Variants in RUFY2 observed in about 807,000 individuals in gnomAD.
RUFY2 encodes RUN and FYVE domain-containing protein 2.
Under a neutral mutation model 94.4 loss-of-function variants are expected in RUFY2, and 49 were observed. The ratio of observed to expected loss-of-function variants is 0.52; its 90% CI spans 0.41 to 0.66. RUFY2 has a LOEUF of 0.66. Ranked by LOEUF, RUFY2 falls within the 30% of genes least tolerant of loss-of-function variation. RUFY2 has a pLI of 0.00. For missense variants in RUFY2, 541 were observed against 692.8 expected (o/e 0.78, Z 2.46); for synonymous variants, 255 against 235.7 (o/e 1.08, Z -0.75).
intron 15 of RUFY2, among the ~76,000 whole-genome samples, chr10:68,358,905 G>A (rs565244835): frequency 3.3e-5 from 5 of 151,938 alleles, no homozygotes; most frequent in African/African-American, 4.8e-5. Flanking sequence ...AGCAACACTC[G>A]GTCTTATGCC....
rs536227746 is a variant in RUFY2 at position 68,359,516 on chromosome 10, ATAG to A, written c.1550+4071_1550+4073del. The stretch of plus-strand genomic sequence containing the variant: ...AGTACTACTATATATATAAATATAC[ATAG>A]TAGTATATTTATATATATAATGCTA... On this transcript the variant is annotated intron_variant, in intron 15 of 17. Coordinates refer to ENST00000602465, the MANE Select transcript of RUFY2 (RefSeq NM_001330103.2). Among the ~76,000 whole-genome samples the A allele has an allele frequency of 4.0e-3, 583 of 146,234 alleles. 2 individuals carry two copies. Among genetic ancestry groups the A allele is most frequent in the African/African-American group, 0.014 (551 of 39,874 alleles).
intron 7 of RUFY2, among the ~76,000 whole-genome samples, chr10:68,390,241 AAAGC>A (rs2049874467): frequency 6.6e-6 from 1 of 152,204 alleles, no homozygotes; most frequent in South Asian, 2.1e-4. Flanking sequence ...CTTTAGAGGA[AAAGC>A]AAGAGTCACA....
intron 15 of RUFY2, among the ~76,000 whole-genome samples, chr10:68,360,972 A>G (rs1475705579): frequency 6.6e-6 from 1 of 151,884 alleles, no homozygotes; most frequent in African/African-American, 2.4e-5. Flanking sequence ...TAATTCAACT[A>G]TAAAGTCTCT....
intron 8 of RUFY2, among the ~76,000 whole-genome samples, chr10:68,385,124 C>G (rs528463942): frequency 6.7e-6 from 1 of 150,342 alleles, no homozygotes; most frequent in African/African-American, 2.4e-5. Context: ...ATTAGCCGGG[C>G]GTGGTGGTGC....
At chr10:68,345,960 G>C in intron 17 of RUFY2, 47 bp downstream of exon 17, 10 of 1,611,772 alleles carry the variant, frequency 6.2e-6, no homozygotes, top group African/African-American at 1.3e-5. Context: ...AATAAAATTA[G>C]CATTTTTGCA....
chr10:68,364,724 CT>C (rs57815435), intron 13 of RUFY2, among the ~76,000 whole-genome samples: 5,974 of 146,454 alleles, frequency 0.041, 372 homozygotes, highest in African/African-American at 0.14. Context: ...CATTGTTCTT[CT>C]TTTTTTTTTT....
intron 2 of RUFY2, among the ~76,000 whole-genome samples, chr10:68,402,927 C>T (rs532620085): frequency 5.6e-5 from 8 of 143,682 alleles, no homozygotes; most frequent in African/African-American, 2.0e-4. Context: ...CTCACTGCAC[C>T]CTCTGCCTCC....
intron 13 of RUFY2, among the ~76,000 whole-genome samples, chr10:68,365,042 TATA>T (rs1038768577): frequency 2.2e-4 from 34 of 152,196 alleles, no homozygotes; most frequent in African/African-American, 7.7e-4. Flanking sequence ...ATTGCAACAT[TATA>T]ATGTTGAGTA....
chr10:68,378,281 A>T, intron 12 of RUFY2: 2 of 1,118,860 alleles, frequency 1.8e-6, no homozygotes, highest in South Asian at 8.8e-5. Context: ...TTTCATCAAA[A>T]AGTAGCTAAA....
chr10:68,351,174 C>T (rs1332165631), intron 16 of RUFY2, among the ~76,000 whole-genome samples: 1 of 125,516 alleles, frequency 8.0e-6, no homozygotes, highest in African/African-American at 3.0e-5. Context: ...CCCTGTTGCC[C>T]AGACTGGAGT....
intron 13 of RUFY2, among the ~76,000 whole-genome samples, chr10:68,367,425 T>C (rs2047924747): frequency 6.7e-6 from 1 of 150,158 alleles, no homozygotes; most frequent in African/African-American, 2.5e-5. Flanking sequence ...AGAGGAATTA[T>C]TTTTTTTCTG....
rs1459229679 is a variant in RUFY2, at chr10:68,346,102, TTAA to T, written c.1600-21_1600-19del. The stretch of plus-strand genomic sequence containing the variant: ...ACCAGTCCCTAGTAGGAAGAAAATA[TTAA>T]TGCTCAAATTGGTAACACTAAAAAT... On this transcript the variant is annotated intron_variant, in intron 16 of 17. Coordinates refer to ENST00000602465, the MANE Select transcript of RUFY2 (RefSeq NM_001330103.2). 1.3e-6 allele frequency: 2 copies of T among 1,584,540 alleles called. No homozygotes were observed.
intron 12 of RUFY2, chr10:68,379,098 G>A: frequency 3.6e-6 from 1 of 280,216 alleles, no homozygotes. Context: ...ATCAATCAGG[G>A]ATAATCTCAC....
chr10:68,348,375 AGCATGGTG>A (rs926918610), intron 16 of RUFY2, among the ~76,000 whole-genome samples: 2 of 151,808 alleles, frequency 1.3e-5, no homozygotes, highest in African/African-American at 4.8e-5. Flanking sequence ...AAATTAGCCA[AGCATGGTG>A]GCATGCACCT....
At chr10:68,341,263 A>C, downstream of RUFY2, 1 of 1,606,878 alleles carries the variant, frequency 6.2e-7, no homozygotes, top group East Asian at 2.2e-5. Context: ...AGTTTGTGAC[A>C]CATGAAGATG....
At position 68,376,945 on chromosome 10, in the gene RUFY2, C is replaced by G. The variant is rs750737769; in HGVS notation, c.1233G>C (p.Met411Ile). 6.2e-7 allele frequency: 1 copy of G among 1,613,618 alleles called. No homozygotes were observed. Among genetic ancestry groups the G allele is most frequent in the Admixed American group, 1.7e-5 (1 of 59,950 alleles). ...ATTTCTCATCCTCATCTTCAGCTTC[C>G]ATTTGCGCCTTCTCTGCTTGCTGCA... ...QRLQQAEKAQ[M>I]EAEDEDEKYL... Residue 411 changes from methionine (M) to isoleucine (I), a missense_variant, in exon 13 of 18, where the codon ATG becomes ATC. Coordinates refer to ENST00000602465, the MANE Select transcript of RUFY2 (RefSeq NM_001330103.2).
At chr10:68,394,831 G>A (rs1427642742) in intron 4 of RUFY2, among the ~76,000 whole-genome samples, 5 of 151,470 alleles carry the variant, frequency 3.3e-5, no homozygotes, top group East Asian at 1.9e-4. Flanking sequence ...GGGTTTCACC[G>A]TGTTAGCCAA....
intron 7 of RUFY2, among the ~76,000 whole-genome samples, chr10:68,391,045 C>T: frequency 6.6e-6 from 1 of 151,778 alleles, no homozygotes; most frequent in Non-Finnish European, 1.5e-5. Flanking sequence ...AGCAATTCTC[C>T]TGCCTCAGCC....
intron 2 of RUFY2, among the ~76,000 whole-genome samples, chr10:68,403,330 C>A: frequency 6.6e-6 from 1 of 152,096 alleles, no homozygotes; most frequent in South Asian, 2.1e-4. Context: ...CAGCTCACTG[C>A]AACCTCCGCC....
Sources: gnomAD v4.1 joint callset for allele counts (sites outside exome capture counted in the v4.1 genomes callset) on GRCh38, gnomAD v4.1.1 for gene constraint, MANE v1.5 for transcripts, NCBI Gene and HGNC (gene_info 2026-07-23, HGNC 2026-07-21) for gene names.